Variants in CLIC4 observed in about 807,000 individuals in gnomAD.
The protein encoded by CLIC4 is chloride intracellular channel protein 4.
A neutral mutation model predicts 24.6 loss-of-function variants in CLIC4; 13 were observed. That is an observed-to-expected ratio of 0.53 (90% CI 0.34 to 0.84). The LOEUF is 0.84. Among genes scored for constraint, CLIC4 ranks in the 40% least tolerant of loss-of-function variants. The probability of loss-of-function intolerance (pLI) is 0.01; values close to 1 mark genes in which losing one functional copy is unlikely to be tolerated. For missense variants in CLIC4, 227 were observed against 301.7 expected (o/e 0.75, Z 1.83); for synonymous variants, 104 against 111.3 (o/e 0.93, Z 0.41).
chr1:24,805,132 G>T, intron 2 of CLIC4, among the ~76,000 whole-genome samples: 1 of 148,762 alleles, frequency 6.7e-6, no homozygotes, highest in African/African-American at 2.5e-5. Flanking sequence ...AACGAATTAT[G>T]GAATCCATAT....
intron 1 of CLIC4, among the ~76,000 whole-genome samples, chr1:24,766,523 A>T (rs1571233700): frequency 2.9e-5 from 2 of 69,166 alleles, no homozygotes; most frequent in Non-Finnish European, 2.4e-5. Flanking sequence ...TTTTTTTTTG[A>T]GACGGGGTCT....
At chr1:24,820,836 T>C (rs1639722939) in intron 3 of CLIC4, among the ~76,000 whole-genome samples, 2 of 152,238 alleles carry the variant, frequency 1.3e-5, no homozygotes. Context: ...CATATGACTT[T>C]AGTTAAATGG....
chr1:24,771,322 T>G (rs1299154102), intron 1 of CLIC4, among the ~76,000 whole-genome samples: 1 of 152,218 alleles, frequency 6.6e-6, no homozygotes, highest in African/African-American at 2.4e-5. Flanking sequence ...AACTACTCTT[T>G]CCTACTGTTT....
At chr1:24,804,366 G>C (rs553301654) in intron 2 of CLIC4, among the ~76,000 whole-genome samples, 54 of 136,476 alleles carry the variant, frequency 4.0e-4, no homozygotes, top group African/African-American at 1.5e-3. Context: ...TGGGGGGTGT[G>C]TGTATGTGTG....
intron 1 of CLIC4, among the ~76,000 whole-genome samples, chr1:24,747,264 G>C (rs958136122): frequency 2.6e-5 from 4 of 151,652 alleles, no homozygotes; most frequent in Admixed American, 6.6e-5. Context: ...GGCCGGGCGC[G>C]GTGGCTCACG....
chr1:24,786,571 ATTAT>A (rs1437447838), intron 1 of CLIC4, among the ~76,000 whole-genome samples: 1 of 152,192 alleles, frequency 6.6e-6, no homozygotes, highest in East Asian at 1.9e-4. Context: ...TGTCAGTGGG[ATTAT>A]TTAAGTTTTC....
rs1040338298 is a variant in CLIC4, at chr1:24,841,832, C to T, written c.*895C>T. 1 of 152,524 alleles carries T rather than the reference C, an allele frequency of 6.6e-6. No individual in the cohort carries two copies. Among genetic ancestry groups the T allele is most frequent in the African/African-American group, 2.4e-5 (1 of 41,408 alleles). 9.4% of individuals were successfully genotyped at this position (152,524 alleles called of 1,614,324 possible). A position where few individuals can be genotyped will look rare whatever the true frequency, so the allele number is the denominator to read the frequency against. On this transcript the variant is annotated 3_prime_UTR_variant, in exon 6 of 6. Transcript: ENST00000374379. Reference sequence around the variant, plus strand: ...TTTGTACATCTGTTGAGCAACACTACATAACTGATTTTTAGTTGACTTAGC... The same window carrying T: ...TTTGTACATCTGTTGAGCAACACTATATAACTGATTTTTAGTTGACTTAGC...
intron 3 of CLIC4, among the ~76,000 whole-genome samples, chr1:24,820,973 C>T (rs1639724446): frequency 6.6e-6 from 1 of 152,062 alleles, no homozygotes; most frequent in Non-Finnish European, 1.5e-5. Flanking sequence ...GACTTGAGCT[C>T]AGGAGTTCAA....
chr1:24,785,229 C>A (rs1639253705), intron 1 of CLIC4, among the ~76,000 whole-genome samples: 1 of 151,972 alleles, frequency 6.6e-6, no homozygotes, highest in East Asian at 1.9e-4. Flanking sequence ...AGTGCTGGAA[C>A]TGAAGAATCT....
intron 2 of CLIC4, among the ~76,000 whole-genome samples, chr1:24,804,402 AGGGGGTGTGTGTGGGTAGGTGGGTGGT>A (rs1557807606): frequency 4.8e-5 from 1 of 20,688 alleles, no homozygotes; most frequent in African/African-American, 1.8e-4. Context: ...GGGTGGGTGG[AGGGGGTGTGTGTGGGTAGGTGGGTGGT>A]GGGGGTGTGT....
intron 3 of CLIC4, among the ~76,000 whole-genome samples, chr1:24,816,684 T>G (rs1639674478): frequency 6.6e-6 from 1 of 152,338 alleles, no homozygotes; most frequent in East Asian, 1.9e-4. Flanking sequence ...TCAAAATTTA[T>G]GGACTGCAGA....
At chr1:24,779,696 A>G (rs1236647318) in intron 1 of CLIC4, among the ~76,000 whole-genome samples, 1 of 152,154 alleles carries the variant, frequency 6.6e-6, no homozygotes, top group Non-Finnish European at 1.5e-5. Flanking sequence ...TCCTTGACCC[A>G]GTTGCTCAAA....
chr1:24,787,454 A>G (rs1639282391), intron 1 of CLIC4, among the ~76,000 whole-genome samples: 1 of 152,172 alleles, frequency 6.6e-6, no homozygotes, highest in African/African-American at 2.4e-5. Context: ...TAATTCATAT[A>G]CAGTATAATT....
chr1:24,809,715 C>G (rs1245711059), intron 2 of CLIC4, among the ~76,000 whole-genome samples: 3 of 152,126 alleles, frequency 2.0e-5, no homozygotes, highest in South Asian at 4.1e-4. Flanking sequence ...CCCGCTTCGG[C>G]CTCACAAAGT....
chr1:24,812,907 C>T (rs562604481), intron 2 of CLIC4, among the ~76,000 whole-genome samples: 40 of 151,804 alleles, frequency 2.6e-4, no homozygotes, highest in African/African-American at 7.7e-4. Flanking sequence ...TTAGCAGAGA[C>T]GGAGTTTCAC....
intron 3 of CLIC4, among the ~76,000 whole-genome samples, chr1:24,820,192 C>G (rs192074665): frequency 9.2e-4 from 132 of 143,070 alleles, no homozygotes; most frequent in African/African-American, 3.0e-3. Context: ...TAGGATGATC[C>G]TCCTGCCTCA....
intron 1 of CLIC4, among the ~76,000 whole-genome samples, chr1:24,797,507 A>T (rs527373545): frequency 4.0e-5 from 6 of 149,322 alleles, no homozygotes; most frequent in African/African-American, 1.5e-4. Context: ...GTGAGCTGAG[A>T]TCGCACCACT....
intron 1 of CLIC4, among the ~76,000 whole-genome samples, chr1:24,786,042 T>C (rs2124118334): frequency 6.6e-6 from 1 of 152,226 alleles, no homozygotes; most frequent in African/African-American, 2.4e-5. Context: ...AATGAGGTAT[T>C]AAAGTTTTAA....
chr1:24,752,582 T>A (rs958448806), intron 1 of CLIC4, among the ~76,000 whole-genome samples: 11 of 152,202 alleles, frequency 7.2e-5, no homozygotes, highest in Admixed American at 3.3e-4. Flanking sequence ...GGTCACATTC[T>A]ATTGGAGAGA....
Sources: gnomAD v4.1 joint callset for allele counts (sites outside exome capture counted in the v4.1 genomes callset) on GRCh38, gnomAD v4.1.1 for gene constraint, MANE v1.5 for transcripts, NCBI Gene and HGNC (gene_info 2026-07-23, HGNC 2026-07-21) for gene names.